TTC29: variants seen among roughly 807,000 people sequenced by gnomAD.
TTC29 encodes the protein tetratricopeptide repeat protein 29.
Under a neutral mutation model 58.1 loss-of-function variants are expected in TTC29, and 49 were observed. The ratio of observed to expected loss-of-function variants is 0.84; its 90% confidence interval spans 0.67 to 1.07. The LOEUF is 1.07. Among genes scored for constraint, TTC29 ranks in the 50% least tolerant of loss-of-function variants. TTC29 has a pLI of 0.00. For missense variants in TTC29, 582 were observed against 555.6 expected (o/e 1.05, Z -0.48); for synonymous variants, 209 against 196.8 (o/e 1.06, Z -0.52).
chr4:146,806,108 C>A (rs1340086569), intron 10 of TTC29, among the ~76,000 whole-genome samples: 1 of 152,186 alleles, frequency 6.6e-6, no homozygotes, highest in Admixed American at 6.5e-5. Context: ...GAATTTTCAA[C>A]TCAGAATTTC....
chr4:146,745,128 G>T (rs1745448949), intron 11 of TTC29, among the ~76,000 whole-genome samples: 1 of 152,210 alleles, frequency 6.6e-6, no homozygotes. Context: ...GGGGATATTG[G>T]ACAAAGAGTC....
At chr4:146,852,946 TTTA>T (rs1377472283) in intron 8 of TTC29, among the ~76,000 whole-genome samples, 1 of 152,168 alleles carries the variant, frequency 6.6e-6, no homozygotes, top group Non-Finnish European at 1.5e-5. Context: ...TTTAAATTCT[TTTA>T]TTACTTGTTA....
chr4:146,904,721 G>A (rs1474525023), intron 5 of TTC29, among the ~76,000 whole-genome samples: 1 of 152,096 alleles, frequency 6.6e-6, no homozygotes, highest in Non-Finnish European at 1.5e-5. Context: ...AGAATTCACT[G>A]ATATTAATTG....
At chr4:146,777,056 C>T (rs1360157157) in intron 11 of TTC29, among the ~76,000 whole-genome samples, 3 of 152,114 alleles carry the variant, frequency 2.0e-5, no homozygotes, top group Non-Finnish European at 1.5e-5. Context: ...TTGCCATGTT[C>T]ACACCAGCAA....
In TTC29 at chr4:146,937,614, T is replaced by C. The variant is rs1427366782; in HGVS notation, c.156A>G (p.Leu52=). The C allele has an allele frequency of 6.5e-7, 1 of 1,535,784 alleles. No individual in the cohort carries two copies. ...CTTACGCAGCAACTTCCTCTTTTGA[T>C]AATCCTTTGAAATTTACCTCTAGAT... is the stretch of plus-strand genomic sequence containing the variant. ...DHYLEVNFKG[L]SKEEVAAYRN... The change falls in exon 4 of 13, where the codon TTA becomes TTG. Residue 52 remains leucine, a synonymous_variant. Coordinates refer to ENST00000325106, the MANE Select transcript of TTC29 (RefSeq NM_031956.4).
At chr4:146,898,905 G>A (rs1377048707) in intron 6 of TTC29, among the ~76,000 whole-genome samples, 1 of 152,190 alleles carries the variant, frequency 6.6e-6, no homozygotes, top group East Asian at 1.9e-4. Context: ...AAGAAGGCTG[G>A]CCTCCTGCAC....
intron 11 of TTC29, among the ~76,000 whole-genome samples, chr4:146,728,858 C>CGTATATAT (rs1561066804): frequency 0.069 from 2,826 of 41,148 alleles, 387 homozygotes; most frequent in South Asian, 0.12. Flanking sequence ...TATATATATA[C>CGTATATAT]ACATATATAT....
chr4:146,728,816 T>TATATATATAC (rs1561066476), intron 11 of TTC29, among the ~76,000 whole-genome samples: 10 of 46,114 alleles, frequency 2.2e-4, no homozygotes, highest in African/African-American at 3.2e-4. Flanking sequence ...CATATATATG[T>TATATATATAC]GTATATATAC....
chr4:146,938,412 A>T (rs890485739), intron 3 of TTC29, among the ~76,000 whole-genome samples: 2 of 152,172 alleles, frequency 1.3e-5, no homozygotes, highest in African/African-American at 2.4e-5. Flanking sequence ...AATACAAGAA[A>T]ACGTTTTCTT....
intron 11 of TTC29, among the ~76,000 whole-genome samples, chr4:146,781,676 A>G (rs939572865): frequency 6.6e-6 from 1 of 151,998 alleles, no homozygotes; most frequent in Non-Finnish European, 1.5e-5. Flanking sequence ...GCTCACTAAC[A>G]TACTATTCCA....
intron 4 of TTC29, among the ~76,000 whole-genome samples, chr4:146,930,275 A>G (rs2150317173): frequency 6.6e-6 from 1 of 151,850 alleles, no homozygotes; most frequent in African/African-American, 2.4e-5. Flanking sequence ...ACAAACTTAT[A>G]TTCTCTTTTT....
chr4:146,715,144 A>C (rs147158273), intron 11 of TTC29, among the ~76,000 whole-genome samples: 43 of 152,224 alleles, frequency 2.8e-4, no homozygotes, highest in African/African-American at 9.6e-4. Context: ...GGCCTATAAG[A>C]TTCTTATACT....
At chr4:146,733,941 G>T (rs1413251699) in intron 11 of TTC29, among the ~76,000 whole-genome samples, 1 of 152,078 alleles carries the variant, frequency 6.6e-6, no homozygotes, top group African/African-American at 2.4e-5. Flanking sequence ...TAGCATCAAT[G>T]ATTTGAAATG....
intron 11 of TTC29, among the ~76,000 whole-genome samples, chr4:146,721,384 A>G (rs1485531951): frequency 2.6e-5 from 4 of 152,148 alleles, no homozygotes; most frequent in Non-Finnish European, 5.9e-5. Flanking sequence ...ATTTCTGGAG[A>G]AATTTTTATG....
At chr4:146,739,210 C>T (rs1224184911) in intron 11 of TTC29, among the ~76,000 whole-genome samples, 1 of 152,202 alleles carries the variant, frequency 6.6e-6, no homozygotes, top group South Asian at 2.1e-4. Flanking sequence ...AAAAGGTGGA[C>T]GTGTTTTGGT....
At chr4:146,742,013 C>T (rs947643178) in intron 11 of TTC29, among the ~76,000 whole-genome samples, 2 of 152,124 alleles carry the variant, frequency 1.3e-5, no homozygotes, top group African/African-American at 4.8e-5. Flanking sequence ...AACTTATTAT[C>T]CCCATATTAC....
At chr4:146,944,448 C>A (rs1736731944) in intron 2 of TTC29, 1 of 152,146 alleles carries the variant, frequency 6.6e-6, no homozygotes, top group South Asian at 2.1e-4. Flanking sequence ...AAATTTTTGG[C>A]CCCCAAGTAA....
At chr4:146,754,467 A>G (rs1196377878) in intron 11 of TTC29, among the ~76,000 whole-genome samples, 1 of 152,194 alleles carries the variant, frequency 6.6e-6, no homozygotes. Flanking sequence ...AGAGCTCACA[A>G]GAAAAGAAAG....
intron 6 of TTC29, among the ~76,000 whole-genome samples, chr4:146,891,480 C>T (rs937216125): frequency 1.3e-5 from 2 of 152,046 alleles, no homozygotes; most frequent in Non-Finnish European, 2.9e-5. Context: ...TCAGAATTCT[C>T]ATAGGAATAT....
Sources: gnomAD v4.1 joint callset for allele counts (sites outside exome capture counted in the v4.1 genomes callset) on GRCh38, gnomAD v4.1.1 for gene constraint, MANE v1.5 for transcripts, NCBI Gene and HGNC (gene_info 2026-07-23, HGNC 2026-07-21) for gene names.